Variants in USP28 observed in about 807,000 individuals in gnomAD.
USP28 encodes ubiquitin specific peptidase 28.
A neutral mutation model predicts 145.0 loss-of-function variants in USP28; 113 were observed. That is an observed-to-expected ratio of 0.78 (90% CI 0.67 to 0.91). The LOEUF is 0.91. Among genes scored for constraint, USP28 ranks in the 40% least tolerant of loss-of-function variants. The pLI is 0.00. For missense variants in USP28, 1,201 were observed against 1,289.6 expected (o/e 0.93, Z 1.05); for synonymous variants, 447 against 450.9 (o/e 0.99, Z 0.11).
At chr11:113,831,750 G>A (rs1944004743) in intron 8 of USP28, among the ~76,000 whole-genome samples, 170 bp downstream of exon 8, 1 of 151,992 alleles carries the variant, frequency 6.6e-6, no homozygotes, top group South Asian at 2.1e-4. Flanking sequence ...TCCTCAGAGG[G>A]GAAAGCTGAA....
chr11:113,852,731 C>T (rs1946613141), intron 2 of USP28, 98 bp from the exon 3 acceptor site: 1 of 1,334,184 alleles, frequency 7.5e-7, no homozygotes, highest in Non-Finnish European at 1.0e-6. Context: ...ACACTGAGTA[C>T]TTTCAGGCAT....
intron 21 of USP28, 56 bp downstream of exon 22, chr11:113,804,617 C>A: frequency 6.7e-7 from 1 of 1,501,808 alleles, no homozygotes. Flanking sequence ...GCCTCAGGTA[C>A]CATTTACCTC....
At chr11:113,807,461 C>T (rs1940205210) in intron 18 of USP28, among the ~76,000 whole-genome samples, 1 of 151,922 alleles carries the variant, frequency 6.6e-6, no homozygotes, top group Non-Finnish European at 1.5e-5. Flanking sequence ...ATGTGCAGTG[C>T]AACTGAAGAG....
At chr11:113,834,112 G>A (rs1944313433) in intron 6 of USP28, 137 bp downstream of exon 6, 2 of 578,910 alleles carry the variant, frequency 3.5e-6, no homozygotes, top group South Asian at 7.1e-5. Flanking sequence ...AAAGGAAAAT[G>A]AGCCATTTAG....
chr11:113,831,751 GA>G (rs906990457), intron 8 of USP28, among the ~76,000 whole-genome samples, 168 bp downstream of exon 8: 2 of 152,002 alleles, frequency 1.3e-5, no homozygotes, highest in Admixed American at 1.3e-4. Flanking sequence ...CCTCAGAGGG[GA>G]AAGCTGAAGG....
At chr11:113,800,424 T>C (rs1420910386) in intron 24 of USP28, among the ~76,000 whole-genome samples, 1 of 152,044 alleles carries the variant, frequency 6.6e-6, no homozygotes, top group African/African-American at 2.4e-5. Context: ...CACCTCAGGC[T>C]CCTGAGTAGC....
chr11:113,807,051 C>CAT (rs1280012784), intron 18 of USP28, among the ~76,000 whole-genome samples: 2 of 151,752 alleles, frequency 1.3e-5, no homozygotes, highest in Non-Finnish European at 2.9e-5. Context: ...AATATGACTC[C>CAT]ATAAAGTAAA....
At chr11:113,831,237 C>T (rs115364189) in intron 8 of USP28, among the ~76,000 whole-genome samples, 1,541 of 152,226 alleles carry the variant, frequency 0.01, 34 homozygotes, top group African/African-American at 0.036. Flanking sequence ...TCAGTATATA[C>T]ATCTATATCC....
Position 113,806,554 on chromosome 11 carries a change from TGACCCCTTGCA to T in USP28, c.2324_2334del (p.Met775AsnfsTer6), listed in dbSNP as rs1940002386. ...TGACGGGCTTTAGCTATGGCCAGGATGACCCCTTGCATGGCAGGGCTCAGCATCACCTACCA... is the reference window on the plus strand; with the variant it reads ...TGACGGGCTTTAGCTATGGCCAGGATTGGCAGGGCTCAGCATCACCTACCA... On this transcript the variant is annotated frameshift_variant, in exon 19 of 25. Transcript: ENST00000003302. LOFTEE classifies it high-confidence loss of function. The T allele has an allele frequency of 6.3e-7, 1 of 1,599,422 alleles. No individual in the cohort carries two copies. Among genetic ancestry groups the T allele is most frequent in the Admixed American group, 1.8e-5 (1 of 57,082 alleles).
At chr11:113,813,902 C>G in exon 15 of USP28, 1 of 1,612,902 alleles carries the variant, frequency 6.2e-7, no homozygotes, top group Non-Finnish European at 8.5e-7. Flanking sequence ...AGGAGAGGAT[C>G]GCAGTACATC....
intron 1 of USP28, among the ~76,000 whole-genome samples, chr11:113,873,941 G>C (rs1484094072): frequency 1.3e-5 from 2 of 151,328 alleles, no homozygotes; most frequent in East Asian, 3.9e-4. Context: ...AAGAGACCGA[G>C]ACCATCCTGG....
chr11:113,850,763 C>A (rs1946364862), intron 3 of USP28, among the ~76,000 whole-genome samples: 1 of 152,094 alleles, frequency 6.6e-6, no homozygotes, highest in Non-Finnish European at 1.5e-5. Context: ...TCCCCTATAC[C>A]CACTCCCTTG....
chr11:113,827,014 G>C (rs1482926558), intron 11 of USP28, among the ~76,000 whole-genome samples: 1 of 151,934 alleles, frequency 6.6e-6, no homozygotes, highest in Non-Finnish European at 1.5e-5. Flanking sequence ...AAAGGAGGAG[G>C]GCTTTCACCT....
intron 5 of USP28, among the ~76,000 whole-genome samples, 190 bp from the exon 6 acceptor site, chr11:113,834,525 C>G (rs1168663805): frequency 6.6e-6 from 1 of 152,136 alleles, no homozygotes; most frequent in Non-Finnish European, 1.5e-5. Context: ...AATATTAATA[C>G]TTTTAGGTAA....
chr11:113,831,788 C>T, intron 8 of USP28, 132 bp downstream of exon 8: 3 of 734,562 alleles, frequency 4.1e-6, no homozygotes, highest in South Asian at 3.8e-5. Context: ...ATGAGGACTA[C>T]CTCAGTGGTT....
intron 12 of USP28, 32 bp downstream of exon 12, chr11:113,823,573 C>T (rs759981417): frequency 7.0e-7 from 1 of 1,423,896 alleles, no homozygotes; most frequent in Non-Finnish European, 9.7e-7. Context: ...TATTCTTTTA[C>T]ATTTCTAAGC....
Position 113,855,841 on chromosome 11 carries a change from G to A in USP28, c.58-1506C>T, listed in dbSNP as rs1460081965. Among the ~76,000 whole-genome samples the A allele has an allele frequency of 4.6e-5, 7 of 152,216 alleles. No individual in the cohort carries two copies. The East Asian group carries it at 1.3e-3, about 29-fold the overall frequency. On this transcript the variant is annotated intron_variant, in intron 1 of 24. Coordinates refer to ENST00000003302, the Ensembl canonical transcript of USP28. ...CAGGAGAATTGCTTGAACCCAGGAG[G>A]TGGAGGTTGCAGTGAGCCAAGATCG...
At chr11:113,874,449 A>AAAAAAG in intron 1 of USP28, 3 of 856,410 alleles carry the variant, frequency 3.5e-6, no homozygotes, top group Admixed American at 7.7e-5. Flanking sequence ...AAAAAAAAAA[A>AAAAAAG]GTGTCTCCAT....
At chr11:113,861,547 A>G (rs955395940) in intron 1 of USP28, among the ~76,000 whole-genome samples, 2 of 152,224 alleles carry the variant, frequency 1.3e-5, no homozygotes, top group African/African-American at 4.8e-5. Context: ...GGAATTAATC[A>G]TTATTTACTT....
Sources: gnomAD v4.1 joint callset for allele counts (sites outside exome capture counted in the v4.1 genomes callset) on GRCh38, gnomAD v4.1.1 for gene constraint, MANE v1.5 for transcripts, NCBI Gene and HGNC (gene_info 2026-07-23, HGNC 2026-07-21) for gene names.